The following SCML4 variants were observed in gnomAD, a reference collection of about 807,000 sequenced individuals.
SCML4 encodes the protein Scm polycomb group protein like 4.
Under a neutral mutation model 41.1 loss-of-function variants are expected in SCML4, and 34 were observed. That is an observed-to-expected ratio of 0.83 (90% confidence interval 0.63 to 1.10). SCML4 has a LOEUF of 1.10. SCML4 is among the 50% of genes least tolerant of loss of function. The probability of loss-of-function intolerance (pLI) is 0.00; values close to 1 mark genes in which losing one functional copy is unlikely to be tolerated. For synonymous variants in SCML4, 214 were observed against 220.9 expected, an observed-to-expected ratio of 0.97 and a Z score of 0.28; for missense variants, 522 against 534.1, an observed-to-expected ratio of 0.98 and a Z score of 0.22.
chr6:107,831,043 G>C, the SCML4 span, among the ~76,000 whole-genome samples: 1 of 152,112 alleles, frequency 6.6e-6, no homozygotes, highest in Non-Finnish European at 1.5e-5. Flanking sequence ...GCGCCAAAGA[G>C]CCAGAATAAC....
At chr6:107,801,330 A>C (rs1487426409) in intron 1 of SCML4, among the ~76,000 whole-genome samples, 1 of 150,942 alleles carries the variant, frequency 6.6e-6, no homozygotes, top group Non-Finnish European at 1.5e-5. Flanking sequence ...TCCCTTCCCC[A>C]CCTCCCTTTT....
Position 107,757,501 on chromosome 6 carries a change from A to C in SCML4, c.157-7688T>G, listed in dbSNP as rs187236037. Among the ~76,000 whole-genome samples, 52 of 152,310 alleles carry C rather than the reference A, an allele frequency of 3.4e-4. 1 individual carries two copies. In the Middle Eastern group the frequency reaches 0.02, roughly 60 times the overall value. On this transcript the variant is annotated intron_variant, in intron 2 of 7. Transcript: ENST00000369020. ...CACATCCGCAGAGGGTAAGCCAACA[A>C]AGCAAGATTTTAAAATGTGTTTAGG...
At chr6:107,777,789 A>C (rs1454378879) in intron 1 of SCML4, among the ~76,000 whole-genome samples, 1 of 152,010 alleles carries the variant, frequency 6.6e-6, no homozygotes, top group African/African-American at 2.4e-5. Flanking sequence ...CCCGTCCTTG[A>C]CACCACCTCC....
chr6:107,737,342 T>G (rs1328650258), intron 5 of SCML4, among the ~76,000 whole-genome samples: 1 of 152,174 alleles, frequency 6.6e-6, no homozygotes, highest in Non-Finnish European at 1.5e-5. Context: ...GAAATTTGTT[T>G]GTTTGTCATC....
intron 7 of SCML4, among the ~76,000 whole-genome samples, chr6:107,707,498 C>T (rs1183448537): frequency 6.6e-6 from 1 of 152,084 alleles, no homozygotes; most frequent in African/African-American, 2.4e-5. Flanking sequence ...TTATTTAATC[C>T]TCGAAGTGGT....
intron 5 of SCML4, among the ~76,000 whole-genome samples, chr6:107,736,883 G>A (rs557605434): frequency 1.4e-4 from 22 of 152,252 alleles, no homozygotes; most frequent in Admixed American, 2.6e-4. Flanking sequence ...ATAAATGTCC[G>A]TTCTCATCTT....
chr6:107,747,094 AC>A (rs2114499414), intron 3 of SCML4, among the ~76,000 whole-genome samples: 1 of 152,210 alleles, frequency 6.6e-6, no homozygotes, highest in African/African-American at 2.4e-5. Flanking sequence ...CCAGGGCCTG[AC>A]CTCGGGGGCT....
At chr6:107,777,328 G>A (rs962892529) in intron 1 of SCML4, among the ~76,000 whole-genome samples, 1 of 152,184 alleles carries the variant, frequency 6.6e-6, no homozygotes, top group Non-Finnish European at 1.5e-5. Flanking sequence ...ATGTTTGCAT[G>A]ATTGGTCTTG....
intron 7 of SCML4, among the ~76,000 whole-genome samples, chr6:107,705,981 T>C (rs1011280362): frequency 6.6e-6 from 1 of 152,198 alleles, no homozygotes; most frequent in Non-Finnish European, 1.5e-5. Flanking sequence ...CATGTGGAGT[T>C]CATGAACCTA....
intron 3 of SCML4, 42 bp downstream of exon 3, chr6:107,749,642 C>T: frequency 6.2e-7 from 1 of 1,610,122 alleles, no homozygotes. Flanking sequence ...GCCCTGTTCT[C>T]TACAGACCAT....
intron 1 of SCML4, among the ~76,000 whole-genome samples, chr6:107,804,532 A>G (rs1018681800): frequency 1.3e-5 from 2 of 152,232 alleles, no homozygotes; most frequent in Admixed American, 6.5e-5. Flanking sequence ...TCTAATTTTC[A>G]GAATCAAAAC....
intron 2 of SCML4, among the ~76,000 whole-genome samples, chr6:107,758,141 G>A (rs543325216): frequency 6.6e-6 from 1 of 152,356 alleles, no homozygotes; most frequent in East Asian, 1.9e-4. Flanking sequence ...TGTTCTAGGT[G>A]CTGAAGATTC....
At chr6:107,749,319 CA>C (rs2114505636) in intron 3 of SCML4, among the ~76,000 whole-genome samples, 1 of 152,148 alleles carries the variant, frequency 6.6e-6, no homozygotes, top group East Asian at 1.9e-4. Flanking sequence ...AGAGCAAACA[CA>C]GGAACAAGAG....
intron 1 of SCML4, among the ~76,000 whole-genome samples, chr6:107,782,471 C>T (rs1043842921): frequency 3.3e-5 from 5 of 152,242 alleles, no homozygotes; most frequent in East Asian, 1.9e-4. Context: ...TAAATCAAGT[C>T]CCACATTAAC....
intron 1 of SCML4, among the ~76,000 whole-genome samples, chr6:107,802,532 T>C (rs990829071): frequency 4.9e-5 from 7 of 141,488 alleles, no homozygotes; most frequent in Admixed American, 2.3e-4. Flanking sequence ...GGGCAGAGCA[T>C]AGAGTGTCTT....
At chr6:107,754,793 C>G (rs752605147) in intron 2 of SCML4, among the ~76,000 whole-genome samples, 10 of 152,156 alleles carry the variant, frequency 6.6e-5, no homozygotes, top group Non-Finnish European at 1.2e-4. Context: ...ACTTTAACAT[C>G]TAATGTTTCC....
chr6:107,731,378 A>G (rs1251468409), intron 5 of SCML4, among the ~76,000 whole-genome samples: 1 of 152,166 alleles, frequency 6.6e-6, no homozygotes, highest in Non-Finnish European at 1.5e-5. Context: ...ACTATGCAAA[A>G]TTATTCTCAC....
chr6:107,746,959 C>T (rs975871204), intron 3 of SCML4, 70 bp from the exon 4 acceptor site: 1 of 1,335,530 alleles, frequency 7.5e-7, no homozygotes, highest in South Asian at 1.3e-5. Context: ...CCTCTGTGTA[C>T]ACGGGGGATG....
upstream of SCML4, among the ~76,000 whole-genome samples, chr6:107,827,259 T>A (rs961720818): frequency 6.8e-6 from 1 of 146,128 alleles, no homozygotes; most frequent in African/African-American, 2.5e-5. Flanking sequence ...TACATTTTTA[T>A]TTAAATATAT....
Sources: gnomAD v4.1 joint callset for allele counts (sites outside exome capture counted in the v4.1 genomes callset) on GRCh38, gnomAD v4.1.1 for gene constraint, MANE v1.5 for transcripts, NCBI Gene and HGNC (gene_info 2026-07-23, HGNC 2026-07-21) for gene names.